Variants in CD274 observed in about 807,000 individuals in gnomAD.
The protein encoded by CD274 is CD274 molecule.
In CD274, 8 loss-of-function variants were observed where a neutral mutation model predicts 30.1. That is an observed-to-expected ratio of 0.27 (90% CI 0.16 to 0.48). The LOEUF (loss-of-function observed/expected upper bound fraction) is 0.48. CD274 is among the 20% of genes least tolerant of loss of function. The pLI is 0.99. For missense variants in CD274, 353 were observed against 346.6 expected, an observed-to-expected ratio of 1.02 and a Z score of -0.15; for synonymous variants, 152 against 124.6, an observed-to-expected ratio of 1.22 and a Z score of -1.46.
At chr9:5,465,428 C>G (rs1040809685) in intron 4 of CD274, 71 bp from the exon 5 acceptor site, 1 of 849,760 alleles carries the variant, frequency 1.2e-6, no homozygotes, top group African/African-American at 1.7e-5. Flanking sequence ...CAAGGATGAC[C>G]ATTCTCCTGA....
At chr9:5,467,000 G>C (rs572450681) in intron 6 of CD274, among the ~76,000 whole-genome samples, 171 bp downstream of exon 6, 5 of 152,190 alleles carry the variant, frequency 3.3e-5, no homozygotes, top group African/African-American at 9.6e-5. Flanking sequence ...AGGTTTAGGA[G>C]CAGGGAAGGG....
chr9:5,452,607 AT>A lies in CD274; in HGVS notation c.-15+2014del, dbSNP rs1234586720. On this transcript the variant is annotated intron_variant, in intron 1 of 6. Transcript: ENST00000381577. ...TTTAGAGGTTAAAGAACATGTGTGT[AT>A]TTACATGATCTTTGTATTCTGCCTT... is the stretch of plus-strand genomic sequence containing the variant. 2.6e-5 allele frequency among the ~76,000 whole-genome samples: 4 copies of A among 152,364 alleles called. No individual in the cohort carries two copies. In the South Asian group the frequency reaches 6.2e-4, roughly 24 times the overall value.
At chr9:5,453,163 C>T (rs968267838) in intron 1 of CD274, among the ~76,000 whole-genome samples, 6 of 151,708 alleles carry the variant, frequency 4.0e-5, no homozygotes, top group Admixed American at 1.3e-4. Context: ...ACAGGATAGA[C>T]GGAAAGGAAA....
intron 1 of CD274, among the ~76,000 whole-genome samples, chr9:5,450,870 G>A (rs1292164894): frequency 6.6e-6 from 1 of 152,242 alleles, no homozygotes; most frequent in African/African-American, 2.4e-5. Flanking sequence ...GTATAGGATA[G>A]GTAGTCATTC....
chr9:5,460,909 C>G (rs1356402412), intron 3 of CD274, among the ~76,000 whole-genome samples: 2 of 152,082 alleles, frequency 1.3e-5, no homozygotes, highest in Non-Finnish European at 2.9e-5. Flanking sequence ...AAGAAACTGC[C>G]GTTTTTGAAG....
chr9:5,466,855 A>T, intron 6 of CD274, 26 bp downstream of exon 6: 2 of 1,555,772 alleles, frequency 1.3e-6, no homozygotes, highest in Non-Finnish European at 1.8e-6. Flanking sequence ...GGAATTGGGA[A>T]GTAAAAGTCA....
In CD274 at chr9:5,469,588, T is replaced by A. The variant is rs540737705; in HGVS notation, c.*1726T>A. 1 of 232,250 alleles carries A rather than the reference T, an allele frequency of 4.3e-6. No homozygotes were observed. Among genetic ancestry groups the A allele is most frequent in the South Asian group, 1.8e-4 (1 of 5,526 alleles). The allele number at this position is 232,250 out of a possible 1,614,324, so 14.4% of individuals were successfully genotyped here. On this transcript the variant is annotated 3_prime_UTR_variant, in exon 7 of 7. Transcript: ENST00000381577. ...TTTCTTATATAGCAGATGGAATGAA[T>A]TTGAAGTTCCCAGGGCTGAGGATCC...
At chr9:5,463,181 G>T in intron 4 of CD274, 60 bp downstream of exon 4, 1 of 1,268,654 alleles carries the variant, frequency 7.9e-7, no homozygotes. Context: ...CACCTAGCAT[G>T]ATGTCTGCCT....
At chr9:5,458,533 A>T (rs1586764381) in intron 3 of CD274, among the ~76,000 whole-genome samples, 1 of 152,222 alleles carries the variant, frequency 6.6e-6, no homozygotes, top group East Asian at 1.9e-4. Context: ...TCCTGGGCTA[A>T]CTACCATCAA....
chr9:5,457,098 C>G lies in CD274; in HGVS notation c.72C>G (p.Pro24=), dbSNP rs2131210981. ...HLLNAFTVTV[P]KDLYVVEYGS... Reference sequence around the variant, plus strand: ...TTTTAGCATTTACTGTCACGGTTCCCAAGGACCTATATGTGGTAGAGTATG... The same window carrying G: ...TTTTAGCATTTACTGTCACGGTTCCGAAGGACCTATATGTGGTAGAGTATG... The change falls in exon 3 of 7, where the codon CCC becomes CCG. Residue 24 remains proline, a synonymous_variant. Coordinates refer to ENST00000381577, the MANE Select transcript of CD274 (RefSeq NM_014143.4). 2 of 1,605,032 alleles carry G rather than the reference C, an allele frequency of 1.2e-6. No individual in the cohort carries two copies. The highest frequency in any genetic ancestry group is 1.7e-6 in the Non-Finnish European group (2 of 1,172,486).
chr9:5,460,224 G>A (rs777358533), intron 3 of CD274, among the ~76,000 whole-genome samples: 1 of 152,152 alleles, frequency 6.6e-6, no homozygotes, highest in Non-Finnish European at 1.5e-5. Flanking sequence ...TTTATTTCCA[G>A]ACTGTTCATC....
intron 1 of CD274, among the ~76,000 whole-genome samples, chr9:5,454,115 C>A (rs1819258111): frequency 6.6e-6 from 1 of 152,118 alleles, no homozygotes; most frequent in African/African-American, 2.4e-5. Flanking sequence ...GGGGTTCTTT[C>A]CATTATATCA....
intron 4 of CD274, among the ~76,000 whole-genome samples, chr9:5,465,157 A>T (rs1243870689): frequency 6.6e-6 from 1 of 152,038 alleles, no homozygotes; most frequent in African/African-American, 2.4e-5. Flanking sequence ...CAGCCACTCC[A>T]TGTGGTACTG....
chr9:5,457,980 A>T (rs974064198), intron 3 of CD274, among the ~76,000 whole-genome samples: 7 of 152,224 alleles, frequency 4.6e-5, no homozygotes, highest in African/African-American at 1.4e-4. Context: ...AAGTCACCCT[A>T]TGAAGACAAA....
chr9:5,456,217 T>C, intron 2 of CD274, 52 bp downstream of exon 2: 2 of 1,214,038 alleles, frequency 1.6e-6, no homozygotes, highest in Non-Finnish European at 2.4e-6. Context: ...ATTTTAACCA[T>C]GAGTTTAAAA....
intron 1 of CD274, among the ~76,000 whole-genome samples, chr9:5,451,194 T>A (rs1819196244): frequency 6.6e-6 from 1 of 152,344 alleles, no homozygotes; most frequent in East Asian, 1.9e-4. Flanking sequence ...GGGTTTGTCT[T>A]ATAACACAAG....
intron 1 of CD274, among the ~76,000 whole-genome samples, chr9:5,453,463 C>T (rs1047634679): frequency 1.3e-5 from 2 of 152,180 alleles, no homozygotes; most frequent in African/African-American, 2.4e-5. Flanking sequence ...TCCTCAGGGC[C>T]TAGCCTGGGG....
chr9:5,465,642 G>T (rs1819485960), intron 5 of CD274, 36 bp downstream of exon 5: 1 of 1,214,218 alleles, frequency 8.2e-7, no homozygotes, highest in African/African-American at 1.5e-5. Flanking sequence ...CTCCACTGGG[G>T]GTGAGGAAGG....
intron 2 of CD274, among the ~76,000 whole-genome samples, 173 bp downstream of exon 2, chr9:5,456,338 G>T (rs1405247957): frequency 6.6e-6 from 1 of 152,126 alleles, no homozygotes; most frequent in Admixed American, 6.5e-5. Context: ...CAATGATAAA[G>T]TTACCTGTGT....
Sources: gnomAD v4.1 joint callset for allele counts (sites outside exome capture counted in the v4.1 genomes callset) on GRCh38, gnomAD v4.1.1 for gene constraint, MANE v1.5 for transcripts, NCBI Gene and HGNC (gene_info 2026-07-23, HGNC 2026-07-21) for gene names.